The following C2CD2 variants were observed in gnomAD, a reference collection of about 807,000 sequenced individuals.
C2CD2 encodes the protein C2 calcium dependent domain containing 2.
In C2CD2, 43 loss-of-function variants were observed where a neutral mutation model predicts 74.3. That is an observed-to-expected ratio of 0.58 (90% CI 0.45 to 0.75). The LOEUF (loss-of-function observed/expected upper bound fraction) is 0.75, where lower values mean the gene tolerates loss of function less well. Ranked by LOEUF, C2CD2 falls within the 30% of genes least tolerant of loss-of-function variation. The probability of loss-of-function intolerance (pLI) is 0.00; values close to 1 mark genes in which losing one functional copy is unlikely to be tolerated. For synonymous variants in C2CD2, 422 were observed against 390.7 expected, an observed-to-expected ratio of 1.08 and a Z score of -0.94; for missense variants, 801 against 916.3, an observed-to-expected ratio of 0.87 and a Z score of 1.63.
At chr21:41,891,102 T>C (rs533194537) in intron 13 of C2CD2, among the ~76,000 whole-genome samples, 1 of 152,012 alleles carries the variant, frequency 6.6e-6, no homozygotes, top group South Asian at 2.1e-4. Context: ...GTGCAGGGGC[T>C]TCGGGGACTG....
At chr21:41,907,510 G>A (rs1307015568) in intron 9 of C2CD2, 150 bp downstream of exon 9, 24 of 815,978 alleles carry the variant, frequency 2.9e-5, no homozygotes, top group Non-Finnish European at 4.0e-5. Context: ...ATTCGAGTCT[G>A]GTCCTGCGTA....
chr21:41,888,501 A>G lies in C2CD2; in HGVS notation c.*623T>C, dbSNP rs2064709480. 6.4e-6 allele frequency: 1 copy of G among 155,220 alleles called. No homozygotes were observed. Among genetic ancestry groups the G allele is most frequent in the Non-Finnish European group, 1.4e-5 (1 of 69,614 alleles). 9.6% of individuals were successfully genotyped at this position (155,220 alleles called of 1,614,324 possible). A position where few individuals can be genotyped will look rare whatever the true frequency, so the allele number is the denominator to read the frequency against. ...TATGCATAGGATATAGTTAGTGTTCAAGTTCTATGGCTAATATCAAAGGTA... is the reference window on the plus strand; with the variant it reads ...TATGCATAGGATATAGTTAGTGTTCGAGTTCTATGGCTAATATCAAAGGTA... On this transcript the variant is annotated 3_prime_UTR_variant, in exon 14 of 14. Coordinates refer to ENST00000380486, the MANE Select transcript of C2CD2 (RefSeq NM_015500.2).
chr21:41,921,909 C>T (rs886096380), intron 3 of C2CD2, 63 bp downstream of exon 3: 1 of 977,458 alleles, frequency 1.0e-6, no homozygotes, highest in Non-Finnish European at 1.7e-6. Flanking sequence ...ACACCATGCT[C>T]ACTCTTCACA....
At chr21:41,934,860 T>TC (rs1199353299) in intron 2 of C2CD2, among the ~76,000 whole-genome samples, 3 of 152,152 alleles carry the variant, frequency 2.0e-5, no homozygotes, top group Non-Finnish European at 2.9e-5. Context: ...TGCCTCGTTT[T>TC]TTTTTTTTGC....
chr21:41,946,500 T>G (rs2065398769), intron 1 of C2CD2, among the ~76,000 whole-genome samples: 1 of 152,170 alleles, frequency 6.6e-6, no homozygotes, highest in Non-Finnish European at 1.5e-5. Context: ...CCTCCTGCTC[T>G]GGGTCATAGA....
chr21:41,935,446 C>T (rs2065299084), intron 2 of C2CD2, among the ~76,000 whole-genome samples: 1 of 152,098 alleles, frequency 6.6e-6, no homozygotes, highest in Non-Finnish European at 1.5e-5. Context: ...TAGCGGAATT[C>T]CTATGTTTGA....
At chr21:41,900,259 G>C (rs570546865) in intron 12 of C2CD2, among the ~76,000 whole-genome samples, 5 of 152,280 alleles carry the variant, frequency 3.3e-5, no homozygotes, top group African/African-American at 9.6e-5. Context: ...GGGTGACAGA[G>C]CGAGACTCCG....
intron 1 of C2CD2, 21 bp downstream of exon 1, chr21:41,953,349 C>G: frequency 7.2e-7 from 1 of 1,388,110 alleles, no homozygotes. Flanking sequence ...CGCCCCCCGG[C>G]CCGCAGTCCC....
Position 41,899,764 on chromosome 21 carries a change from TAC to T in C2CD2, c.1561-404_1561-403del, listed in dbSNP as rs2064871056. On this transcript the variant is annotated intron_variant, in intron 12 of 13. Coordinates refer to ENST00000380486, the MANE Select transcript of C2CD2 (RefSeq NM_015500.2). The surrounding 1 kb of genome is among the most constrained non-coding windows in gnomAD (Gnocchi z 4.4). ...TTTCGGGTTTAGCTGTCTTTGTTCC[TAC>T]ACGTTTATGTTACCTGCAAGTGGAA... 6.6e-6 allele frequency among the ~76,000 whole-genome samples: 1 copy of T among 152,204 alleles called. No homozygotes were observed. The highest frequency in any genetic ancestry group is 1.5e-5 in the Non-Finnish European group (1 of 68,034).
chr21:41,949,780 C>T (rs537820914), intron 1 of C2CD2, among the ~76,000 whole-genome samples: 4 of 152,300 alleles, frequency 2.6e-5, no homozygotes, highest in African/African-American at 9.6e-5. Flanking sequence ...AAATGTGGCA[C>T]ATATACACCA....
chr21:41,891,035 C>T (rs1473427254), intron 13 of C2CD2, among the ~76,000 whole-genome samples: 1 of 152,198 alleles, frequency 6.6e-6, no homozygotes, highest in Non-Finnish European at 1.5e-5. Context: ...AACCAAATCA[C>T]TTTTTATGAC....
Position 41,885,960 on chromosome 21 carries a change from C to T in C2CD2, c.*3164G>A, listed in dbSNP as rs759210658. ...TGTCAAAACTCTCACAGCAGGTTTTCAGCTGGAACAAGGAGATGGCTACTT... is the reference window on the plus strand; with the variant it reads ...TGTCAAAACTCTCACAGCAGGTTTTTAGCTGGAACAAGGAGATGGCTACTT... On this transcript the variant is annotated 3_prime_UTR_variant, in exon 14 of 14. Coordinates refer to ENST00000380486, the MANE Select transcript of C2CD2 (RefSeq NM_015500.2). The T allele has an allele frequency of 6.6e-6, 1 of 152,508 alleles. No homozygotes were observed. The highest frequency in any genetic ancestry group is 1.5e-5 in the Non-Finnish European group (1 of 68,052). The allele number at this position is 152,508 out of a possible 1,614,324, so 9.4% of individuals were successfully genotyped here.
chr21:41,942,048 G>A, intron 2 of C2CD2, 99 bp downstream of exon 2: 1 of 1,457,674 alleles, frequency 6.9e-7, no homozygotes, highest in Non-Finnish European at 9.2e-7. Flanking sequence ...TTTTCCTAGT[G>A]TAAGGGTTCC....
In C2CD2 at chr21:41,912,320, G is replaced by A. The variant is rs751080778; in HGVS notation, c.953+12C>T. 25 of 1,572,038 alleles carry A rather than the reference G, an allele frequency of 1.6e-5. 1 individual carries two copies. The highest frequency in any genetic ancestry group is 1.2e-4 in the South Asian group (11 of 89,002). Reference sequence around the variant, plus strand: ...CCGTGGACACACAGGCCCATAACCCGGCCAGACTCACAAGGTGAATTCCTC... The same window carrying A: ...CCGTGGACACACAGGCCCATAACCCAGCCAGACTCACAAGGTGAATTCCTC... On this transcript the variant is annotated intron_variant, in intron 7 of 13. Coordinates refer to ENST00000380486, the MANE Select transcript of C2CD2 (RefSeq NM_015500.2).
In C2CD2 at chr21:41,899,498, G is replaced by A. The variant is rs2064867088; in HGVS notation, c.1561-136C>T. 2.5e-6 allele frequency: 2 copies of A among 812,120 alleles called. No individual in the cohort carries two copies. The highest frequency in any genetic ancestry group is 3.8e-6 in the Non-Finnish European group (2 of 522,196). The allele number at this position is 812,120 out of a possible 1,614,324, so 50.3% of individuals were successfully genotyped here. ...AGAAGATGCAGCCGTGGGCCTCATA[G>A]AAGGCGCTTATACATCACGGCCGTT... On this transcript the variant is annotated intron_variant, in intron 12 of 13. Coordinates refer to ENST00000380486, the MANE Select transcript of C2CD2 (RefSeq NM_015500.2). The surrounding 1 kb of genome is among the most constrained non-coding windows in gnomAD (Gnocchi z 4.4).
Position 41,914,630 on chromosome 21 carries a change from T to G in C2CD2, c.812A>C (p.His271Pro), listed in dbSNP as rs1341762665. 2 of 1,613,858 alleles carry G rather than the reference T, an allele frequency of 1.2e-6. No homozygotes were observed. ...ACCGGGCTCGCTGAGCAGCAAGACGTGGATGTTCCTCACCAGTAGCTTCAG... is the reference window on the plus strand; with the variant it reads ...ACCGGGCTCGCTGAGCAGCAAGACGGGGATGTTCCTCACCAGTAGCTTCAG... ...HELKLLVRNI[H>P]VLLLSEPGAS... The change falls in exon 6 of 14, where the codon CAC (histidine) becomes CCC (proline). Residue 271 changes from histidine to proline, a missense_variant. Coordinates refer to ENST00000380486, the MANE Select transcript of C2CD2 (RefSeq NM_015500.2).
At chr21:41,920,290 C>T (rs1013109421) in intron 3 of C2CD2, among the ~76,000 whole-genome samples, 1 of 152,192 alleles carries the variant, frequency 6.6e-6, no homozygotes, top group African/African-American at 2.4e-5. Flanking sequence ...TTTGTTTCCA[C>T]AGCCATAGAA....
intron 2 of C2CD2, among the ~76,000 whole-genome samples, chr21:41,936,397 G>A (rs145819802): frequency 1.4e-3 from 220 of 152,270 alleles, no homozygotes; most frequent in Middle Eastern, 0.014. Flanking sequence ...GAGATATCAC[G>A]TCAAACCTGT....
In C2CD2 at chr21:41,889,250, G is replaced by T; in HGVS notation, c.1965C>A (p.Phe655Leu). 1 of 1,613,952 alleles carries T rather than the reference G, an allele frequency of 6.2e-7. No homozygotes were observed. Among genetic ancestry groups the T allele is most frequent in the South Asian group, 1.1e-5 (1 of 91,074 alleles). Residue 655 changes from phenylalanine to leucine, a missense_variant, in exon 14 of 14, where the codon TTC (phenylalanine) becomes TTA (leucine). Physicochemically the swap from Phe to Leu is conservative, Grantham distance 22 (BLOSUM62 0). Coordinates refer to ENST00000380486, the MANE Select transcript of C2CD2 (RefSeq NM_015500.2). ...TCCGGGAACCCTCTGGCTGCTCCAG[G>T]AACACAAGGTCATTGTGTGACTGAC... ...GMSQSHNDLV[F>L]LEQPEGSRRK...
Sources: allele counts gnomAD v4.1 joint callset (sites outside exome capture counted in the v4.1 genomes callset), GRCh38; gene constraint gnomAD v4.1.1; non-coding constraint Gnocchi (gnomAD v3.1); transcripts MANE v1.5; gene names NCBI Gene and HGNC (gene_info 2026-07-23, HGNC 2026-07-21).